The following SCAND3 variants were observed in gnomAD, a reference collection of about 807,000 sequenced individuals.
SCAND3 encodes the protein SCAN domain containing 3.
At chr6:28,573,515 T>G in the SCAND3 span, 3 of 1,613,810 alleles carry the variant, frequency 1.9e-6, no homozygotes, top group Non-Finnish European at 2.5e-6. Flanking sequence ...AAGAATTCTT[T>G]TGGTTGTGAA....
chr6:28,613,658 T>C, the SCAND3 span, among the ~76,000 whole-genome samples: 1 of 152,168 alleles, frequency 6.6e-6, no homozygotes, highest in African/African-American at 2.4e-5. Flanking sequence ...TTCCTATGAA[T>C]TTCAACACAA....
At chr6:28,572,910 T>C in the SCAND3 span, 4 of 1,614,088 alleles carry the variant, frequency 2.5e-6, no homozygotes, top group Non-Finnish European at 3.4e-6. This position sits in a 1 kb window ranked among gnomAD's most constrained non-coding sequence, Gnocchi z 4.1. Flanking sequence ...TTGTTTTACA[T>C]TCTGGCGCAA....
chr6:28,598,807 G>C, the SCAND3 span, among the ~76,000 whole-genome samples: 146 of 148,432 alleles, frequency 9.8e-4, no homozygotes, highest in Admixed American at 2.4e-3. Flanking sequence ...AACTCAGGAA[G>C]TGGAAGTTGC....
At chr6:28,609,614 C>T in the SCAND3 span, among the ~76,000 whole-genome samples, 1 of 152,096 alleles carries the variant, frequency 6.6e-6, no homozygotes, top group Non-Finnish European at 1.5e-5. Flanking sequence ...GCTGCTATAA[C>T]CATGAGGTGA....
At chr6:28,598,597 T>G in the SCAND3 span, among the ~76,000 whole-genome samples, 1 of 152,142 alleles carries the variant, frequency 6.6e-6, no homozygotes, top group African/African-American at 2.4e-5. Context: ...ACAGTTGTTA[T>G]GATTTTCCGG....
At chr6:28,574,659 G>T in the SCAND3 span, 1 of 1,613,100 alleles carries the variant, frequency 6.2e-7, no homozygotes, top group Non-Finnish European at 8.5e-7. Flanking sequence ...CTCCTACTTT[G>T]TCTGGTGAAA....
chr6:28,572,494 T>G, the SCAND3 span: 1 of 1,613,510 alleles, frequency 6.2e-7, no homozygotes, highest in African/African-American at 1.3e-5. The surrounding 1 kb of genome is among the most constrained non-coding windows in gnomAD (Gnocchi z 4.1). Context: ...TCCTTCAACT[T>G]TATCTGCCAT....
At chr6:28,579,340 G>C in the SCAND3 span, 2 of 1,613,924 alleles carry the variant, frequency 1.2e-6, no homozygotes, top group Non-Finnish European at 1.7e-6. This position sits in a 1 kb window ranked among gnomAD's most constrained non-coding sequence, Gnocchi z 4.5. Context: ...CTGAAGCTGG[G>C]TGCCTAAAGA....
At chr6:28,581,950 C>CA in the SCAND3 span, among the ~76,000 whole-genome samples, 1 of 152,244 alleles carries the variant, frequency 6.6e-6, no homozygotes, top group Non-Finnish European at 1.5e-5. Flanking sequence ...GGAAATCACA[C>CA]AAAAACAAGA....
the SCAND3 span, chr6:28,572,859 T>G: frequency 1.2e-6 from 2 of 1,613,918 alleles, no homozygotes; most frequent in South Asian, 2.2e-5. The surrounding 1 kb of genome is among the most constrained non-coding windows in gnomAD (Gnocchi z 4.1). Context: ...CAGCTGATAT[T>G]TTTTTCATGG....
the SCAND3 span, among the ~76,000 whole-genome samples, chr6:28,602,840 T>C: frequency 6.6e-6 from 1 of 152,118 alleles, no homozygotes; most frequent in African/African-American, 2.4e-5. Context: ...CTAGTGTATT[T>C]ATGGAAAGCA....
At chr6:28,588,986 T>C in the SCAND3 span, among the ~76,000 whole-genome samples, 1 of 152,208 alleles carries the variant, frequency 6.6e-6, no homozygotes, top group Non-Finnish European at 1.5e-5. This position sits in a 1 kb window ranked among gnomAD's most constrained non-coding sequence, Gnocchi z 4.1. Context: ...GCTAGTATAG[T>C]GAAAATTAGT....
chr6:28,586,518 C>T, the SCAND3 span: 1 of 1,614,250 alleles, frequency 6.2e-7, no homozygotes, highest in Non-Finnish European at 8.5e-7. The surrounding 1 kb of genome is among the most constrained non-coding windows in gnomAD (Gnocchi z 4.4). Context: ...CAGAGCCTCC[C>T]TGGGCCCAGG....
chr6:28,586,490 A>T, the SCAND3 span: 1 of 1,614,234 alleles, frequency 6.2e-7, no homozygotes. The surrounding 1 kb of genome is among the most constrained non-coding windows in gnomAD (Gnocchi z 4.4). Context: ...ACTGACGGCA[A>T]AGTTCCCGCA....
chr6:28,575,886 C>T, the SCAND3 span: 3 of 1,614,012 alleles, frequency 1.9e-6, no homozygotes, highest in Non-Finnish European at 2.5e-6. This position sits in a 1 kb window ranked among gnomAD's most constrained non-coding sequence, Gnocchi z 4.2. Flanking sequence ...CAAATCTAGC[C>T]AAGCGACGGT....
the SCAND3 span, among the ~76,000 whole-genome samples, chr6:28,612,366 G>A: frequency 6.6e-6 from 1 of 152,048 alleles, no homozygotes; most frequent in East Asian, 1.9e-4. Flanking sequence ...AACACTCTGT[G>A]AATTTTAACA....
chr6:28,591,788 A>G, the SCAND3 span: 1 of 152,194 alleles, frequency 6.6e-6, no homozygotes, highest in South Asian at 2.1e-4. Flanking sequence ...GTTTCATCAA[A>G]GATGTATAGG....
chr6:28,584,032 C>T, the SCAND3 span, among the ~76,000 whole-genome samples: 6 of 152,176 alleles, frequency 3.9e-5, no homozygotes, highest in African/African-American at 1.4e-4. Context: ...GTATATCACA[C>T]CCCGTGCAAA....
the SCAND3 span, among the ~76,000 whole-genome samples, chr6:28,588,390 T>C: frequency 2.6e-5 from 4 of 151,670 alleles, no homozygotes; most frequent in African/African-American, 4.9e-5. This position sits in a 1 kb window ranked among gnomAD's most constrained non-coding sequence, Gnocchi z 4.1. Flanking sequence ...GACTTCTAAG[T>C]CCTTTACTGA....
Sources: gnomAD v4.1 joint callset for allele counts (sites outside exome capture counted in the v4.1 genomes callset) on GRCh38, gnomAD v4.1.1 for gene constraint, Gnocchi (gnomAD v3.1) non-coding constraint, MANE v1.5 for transcripts, NCBI Gene and HGNC (gene_info 2026-07-23, HGNC 2026-07-21) for gene names.